The following ADAM12 variants were observed in gnomAD, a reference collection of about 807,000 sequenced individuals.
The protein encoded by ADAM12 is disintegrin and metalloproteinase domain-containing protein 12.
ADAM12 carries 70 observed loss-of-function variants against 106.4 expected under a neutral mutation model. The ratio of observed to expected loss-of-function variants is 0.66; its 90% CI spans 0.54 to 0.80. The LOEUF is 0.80. ADAM12 is among the 30% of genes least tolerant of loss of function. The probability of loss-of-function intolerance (pLI) is 0.00; values close to 1 mark genes in which losing one functional copy is unlikely to be tolerated. For synonymous variants in ADAM12, 420 were observed against 433.5 expected, an observed-to-expected ratio of 0.97 and a Z score of 0.39; for missense variants, 1,010 against 1,171.9, an observed-to-expected ratio of 0.86 and a Z score of 2.02.
At chr10:126,267,018 T>C (rs943941216) in intron 3 of ADAM12, among the ~76,000 whole-genome samples, 1 of 152,186 alleles carries the variant, frequency 6.6e-6, no homozygotes, top group Non-Finnish European at 1.5e-5. Context: ...CCTAACAACC[T>C]GGGAGGAAGG....
At chr10:126,365,654 A>G (rs2133910963) in intron 1 of ADAM12, among the ~76,000 whole-genome samples, 1 of 152,248 alleles carries the variant, frequency 6.6e-6, no homozygotes, top group Non-Finnish European at 1.5e-5. Flanking sequence ...CCCTTATAAA[A>G]CCATCAAATC....
At chr10:126,169,372 G>A in intron 3 of ADAM12, among the ~76,000 whole-genome samples, 1 of 152,174 alleles carries the variant, frequency 6.6e-6, no homozygotes. Flanking sequence ...TATTTGCTCT[G>A]TCATTTGAGG....
chr10:126,117,181 G>A (rs1292959719), intron 6 of ADAM12, among the ~76,000 whole-genome samples: 1 of 152,200 alleles, frequency 6.6e-6, no homozygotes, highest in Non-Finnish European at 1.5e-5. Flanking sequence ...GGGAACGATT[G>A]CCTTTAATCC....
At chr10:126,327,300 C>T (rs1226498506) in intron 2 of ADAM12, among the ~76,000 whole-genome samples, 1 of 152,084 alleles carries the variant, frequency 6.6e-6, no homozygotes, top group Non-Finnish European at 1.5e-5. Flanking sequence ...TTTAGGAAAA[C>T]AGTTGTGGAA....
At chr10:126,163,991 T>C (rs550148256) in intron 3 of ADAM12, among the ~76,000 whole-genome samples, 4 of 152,156 alleles carry the variant, frequency 2.6e-5, no homozygotes, top group Admixed American at 6.5e-5. Context: ...ACAGGGGGTA[T>C]GGGGTGGGGA....
chr10:126,195,922 C>T (rs1957589454), intron 3 of ADAM12, among the ~76,000 whole-genome samples: 1 of 152,154 alleles, frequency 6.6e-6, no homozygotes, highest in African/African-American at 2.4e-5. Context: ...AAGTAAAACC[C>T]GATCACCGTC....
chr10:126,030,340 G>A (rs994279296), intron 21 of ADAM12, among the ~76,000 whole-genome samples: 10 of 152,162 alleles, frequency 6.6e-5, no homozygotes, highest in African/African-American at 2.2e-4. Flanking sequence ...GCAGAGAGGT[G>A]GGTGGGGGGT....
chr10:126,290,452 A>G (rs1960098085), intron 2 of ADAM12, among the ~76,000 whole-genome samples: 1 of 152,214 alleles, frequency 6.6e-6, no homozygotes, highest in Non-Finnish European at 1.5e-5. Context: ...GCAGCACTAG[A>G]CAACTGACTT....
At position 126,202,842 on chromosome 10, in the gene ADAM12, G is replaced by C. The variant is rs577182967; in HGVS notation, c.261-47537C>G. ...TCGCAGACGTACGTGTCTCTGAAAT[G>C]CTCTAACATTTTTCCGAAGGTCAAA... is the stretch of plus-strand genomic sequence containing the variant. On this transcript the variant is annotated intron_variant, in intron 3 of 22. Transcript: ENST00000448723. Among the ~76,000 whole-genome samples, 16 of 152,222 alleles carry C rather than the reference G, an allele frequency of 1.1e-4. No homozygotes were observed. In the South Asian group the frequency reaches 3.3e-3, roughly 32 times the overall value.
chr10:126,218,617 G>A (rs1958032799), intron 3 of ADAM12, among the ~76,000 whole-genome samples: 1 of 152,200 alleles, frequency 6.6e-6, no homozygotes, highest in South Asian at 2.1e-4. Flanking sequence ...GTGGGAAGGG[G>A]AGCACAAAGG....
rs1265028423 is a variant in ADAM12 at position 126,118,177 on chromosome 10, T to G, written c.464A>C (p.Lys155Thr). The G allele has an allele frequency of 6.2e-7, 1 of 1,614,074 alleles. No individual in the cohort carries two copies. Among genetic ancestry groups the G allele is most frequent in the Non-Finnish European group, 8.5e-7 (1 of 1,180,004 alleles). Reference sequence around the variant, plus strand: ...GAGTTTGTATCTGTTGGTTGCACTTTTCATTGGTTCTAAGACATAGCTTTC... The same window carrying G: ...GAGTTTGTATCTGTTGGTTGCACTTGTCATTGGTTCTAAGACATAGCTTTC... ...ENESYVLEPM[K>T]SATNRYKLFP... is the part of the protein sequence containing the mutation. The change falls in exon 6 of 23, where the codon AAA becomes ACA. Residue 155 changes from lysine (K) to threonine (T), a missense_variant. Physicochemically the swap from Lys to Thr is moderately conservative, Grantham distance 78. This residue lies in a region of ADAM12 where 391 missense variants were observed against 442.9 expected (regional missense o/e 0.88). Coordinates refer to ENST00000448723, the MANE Select transcript of ADAM12 (RefSeq NM_001288973.2).
chr10:126,051,536 C>CCACCCAT (rs1954490578), intron 14 of ADAM12, among the ~76,000 whole-genome samples: 2 of 118,892 alleles, frequency 1.7e-5, no homozygotes, highest in Non-Finnish European at 3.5e-5. Context: ...CAGCCAGCCA[C>CCACCCAT]CCATCCATCC....
chr10:126,239,220 T>C (rs968304653), intron 3 of ADAM12, among the ~76,000 whole-genome samples: 3 of 152,232 alleles, frequency 2.0e-5, no homozygotes, highest in African/African-American at 4.8e-5. Context: ...CAATGTTTTC[T>C]AGATAACAGG....
chr10:126,296,336 T>C (rs951816566), intron 2 of ADAM12, among the ~76,000 whole-genome samples: 13 of 152,188 alleles, frequency 8.5e-5, no homozygotes, highest in Non-Finnish European at 4.4e-5. Flanking sequence ...GGTCTTGCTA[T>C]GTTGTCCAGG....
At chr10:126,022,503 A>T (rs1261915967) in intron 21 of ADAM12, among the ~76,000 whole-genome samples, 1 of 152,238 alleles carries the variant, frequency 6.6e-6, no homozygotes, top group East Asian at 1.9e-4. Context: ...TAGTCCAAGA[A>T]GATGTGCCTT....
intron 1 of ADAM12, among the ~76,000 whole-genome samples, chr10:126,343,208 G>C (rs1030306531): frequency 7.3e-6 from 1 of 136,832 alleles, no homozygotes; most frequent in Non-Finnish European, 1.5e-5. Flanking sequence ...GCCCTGGTGT[G>C]TGATGTTCTC....
chr10:126,241,309 A>G (rs1003196552), intron 3 of ADAM12, among the ~76,000 whole-genome samples: 1 of 152,248 alleles, frequency 6.6e-6, no homozygotes, highest in African/African-American at 2.4e-5. Context: ...TAGTGGTGAC[A>G]GCTGTACAAC....
chr10:126,129,366 C>T (rs1173246493), intron 5 of ADAM12, among the ~76,000 whole-genome samples: 5 of 152,212 alleles, frequency 3.3e-5, no homozygotes, highest in South Asian at 2.1e-4. Context: ...ACTCAGAAGA[C>T]GGGTGCATGG....
intron 5 of ADAM12, among the ~76,000 whole-genome samples, chr10:126,128,787 C>T (rs1273772782): frequency 5.8e-5 from 7 of 120,588 alleles, no homozygotes; most frequent in East Asian, 2.6e-4. Context: ...GTGTGTGGTG[C>T]GCGTGTCGGA....
Sources: gnomAD v4.1 joint callset for allele counts (sites outside exome capture counted in the v4.1 genomes callset) on GRCh38, gnomAD v4.1.1 for gene constraint, gnomAD v4.1.1 regional missense constraint, MANE v1.5 for transcripts, NCBI Gene and HGNC (gene_info 2026-07-23, HGNC 2026-07-21) for gene names.